Variants in CDH19 observed in about 807,000 individuals in gnomAD.
CDH19 encodes the protein cadherin 19.
A neutral mutation model predicts 64.2 loss-of-function variants in CDH19; 67 were observed. That is an observed-to-expected ratio of 1.04 (90% CI 0.86 to 1.28). CDH19 has a LOEUF of 1.28. CDH19 is among the 50% of genes most tolerant of loss of function. The pLI is 0.00. For missense variants in CDH19, 1,030 were observed against 929.0 expected (o/e 1.11, Z -1.41); for synonymous variants, 346 against 319.3 (o/e 1.08, Z -0.89).
Position 66,603,942 on chromosome 18 carries a change from TCA to T in CDH19, c.-113+10_-113+11del, listed in dbSNP as rs1989098478. 1 of 152,182 alleles carries T rather than the reference TCA, an allele frequency of 6.6e-6. No homozygotes were observed. The highest frequency in any genetic ancestry group is 1.5e-5 in the Non-Finnish European group (1 of 68,034). 9.4% of individuals were successfully genotyped at this position (152,182 alleles called of 1,614,324 possible). A position where few individuals can be genotyped will look rare whatever the true frequency, so the allele number is the denominator to read the frequency against. ...ATGTAGTTTATAATATGCCTGATTA[TCA>T]CAGTCTTACCTTTGTAACTTCAACT... On this transcript the variant is annotated intron_variant, in intron 1 of 11. Transcript: ENST00000262150.
chr18:66,560,411 T>C (rs1277579544), intron 3 of CDH19, among the ~76,000 whole-genome samples: 1 of 152,028 alleles, frequency 6.6e-6, no homozygotes, highest in East Asian at 1.9e-4. Flanking sequence ...ATATAAAATT[T>C]GGCACCTGCT....
Position 66,504,466 on chromosome 18 carries a change from G to A in CDH19, c.*346C>T, listed in dbSNP as rs143484777. On this transcript the variant is annotated 3_prime_UTR_variant, in exon 12 of 12. Coordinates refer to ENST00000262150, the MANE Select transcript of CDH19 (RefSeq NM_021153.4). ...AATTTTTGCTCCTTTAAATTTTCTC[G>A]TTTGGTATTTTTACTCTTTCCTAAG... The A allele has an allele frequency of 9.1e-4, 164 of 179,946 alleles. No homozygotes were observed. The highest frequency in any genetic ancestry group is 3.8e-3 in the African/African-American group (160 of 42,514). 11.1% of individuals were successfully genotyped at this position (179,946 alleles called of 1,614,324 possible).
intron 5 of CDH19, 150 bp from the exon 6 acceptor site, chr18:66,545,053 A>G: frequency 1.8e-6 from 1 of 543,232 alleles, no homozygotes; most frequent in East Asian, 3.2e-5. Context: ...ATCTCGGTTC[A>G]CTGCAATCTC....
rs1177431670 is a variant in CDH19, at chr18:66,544,973, G to T, written c.776-70C>A. On this transcript the variant is annotated intron_variant, in intron 5 of 11. Transcript: ENST00000262150. ...AGACAACTTGCAATTATAGTTTTTTGTTTGTTTGTTTGTTTGTTTTTTCGA... is the reference window on the plus strand; with the variant it reads ...AGACAACTTGCAATTATAGTTTTTTTTTTGTTTGTTTGTTTGTTTTTTCGA... The T allele has an allele frequency of 3.0e-5, 31 of 1,050,660 alleles. 1 individual carries two copies. The South Asian group carries it at 6.0e-4, about 20-fold the overall frequency. 65.1% of individuals were successfully genotyped at this position (1,050,660 alleles called of 1,614,324 possible).
chr18:66,583,042 T>G (rs12955031), intron 1 of CDH19, among the ~76,000 whole-genome samples: 51,683 of 151,916 alleles, frequency 0.34, 9,619 homozygotes, highest in South Asian at 0.48. Flanking sequence ...TGCCCTTATT[T>G]GTCAAGGGTA....
intron 9 of CDH19, among the ~76,000 whole-genome samples, chr18:66,528,797 G>T (rs188335413): frequency 1.1e-4 from 16 of 152,168 alleles, no homozygotes; most frequent in Admixed American, 4.6e-4. Flanking sequence ...TATTGAAAGA[G>T]AAATATAATT....
chr18:66,521,915 T>TTTG (rs1332615034), intron 9 of CDH19, among the ~76,000 whole-genome samples: 1 of 42,396 alleles, frequency 2.4e-5, no homozygotes, highest in South Asian at 1.6e-3. Context: ...AGTTACTTGT[T>TTTG]CTGTTGTTGT....
chr18:66,585,248 T>C (rs1988542860), intron 1 of CDH19, among the ~76,000 whole-genome samples: 2 of 152,056 alleles, frequency 1.3e-5, no homozygotes, highest in South Asian at 4.1e-4. Flanking sequence ...ATAATATAAA[T>C]TGATTTTATA....
intron 7 of CDH19, among the ~76,000 whole-genome samples, chr18:66,536,833 T>C (rs1480780973): frequency 6.6e-6 from 1 of 151,822 alleles, no homozygotes; most frequent in East Asian, 1.9e-4. Flanking sequence ...TTTACATATA[T>C]GTAAAATACA....
At position 66,551,274 on chromosome 18, in the gene CDH19, A is replaced by C. The variant is rs377468945; in HGVS notation, c.611-16T>G. ...CTTATGACTCCTTTAAAAATATAAT[A>C]AAATTCCAATTATTTCATTATTAAT... On this transcript the variant is annotated splice_polypyrimidine_tract_variant and intron_variant, in intron 4 of 11. Coordinates refer to ENST00000262150, the MANE Select transcript of CDH19 (RefSeq NM_021153.4). 8.3e-7 allele frequency: 1 copy of C among 1,209,436 alleles called. No individual in the cohort carries two copies. The highest frequency in any genetic ancestry group is 1.2e-6 in the Non-Finnish European group (1 of 822,202). 74.9% of individuals were successfully genotyped at this position (1,209,436 alleles called of 1,614,324 possible). A position where few individuals can be genotyped will look rare whatever the true frequency, so the allele number is the denominator to read the frequency against.
rs1985027663 is a variant in CDH19 at position 66,503,322 on chromosome 18, A to G, written c.*1490T>C. 1 of 151,824 alleles carries G rather than the reference A, an allele frequency of 6.6e-6. No homozygotes were observed. 9.4% of individuals were successfully genotyped at this position (151,824 alleles called of 1,614,324 possible). ...TCTTAAGGCTACAATAAATGTATCT[A>G]TTGCACCTAATTTTATATTCAATAA... On this transcript the variant is annotated 3_prime_UTR_variant, in exon 12 of 12. Transcript: ENST00000262150.
At chr18:66,553,526 A>G (rs2144520653) in intron 4 of CDH19, among the ~76,000 whole-genome samples, 1 of 134,498 alleles carries the variant, frequency 7.4e-6, no homozygotes, top group East Asian at 1.9e-4. Context: ...ATAAATAAGA[A>G]ATGTTTAAAG....
chr18:66,598,998 T>C (rs1220096673), intron 1 of CDH19, among the ~76,000 whole-genome samples: 2 of 152,146 alleles, frequency 1.3e-5, no homozygotes, highest in Non-Finnish European at 2.9e-5. Flanking sequence ...TAGTTTCAAA[T>C]TGTATAATAT....
In CDH19 at chr18:66,535,031, C is replaced by A. The variant is rs1199915181; in HGVS notation, c.1291G>T (p.Glu431Ter). The A allele has an allele frequency of 6.6e-7, 1 of 1,522,896 alleles. No individual in the cohort carries two copies. The highest frequency in any genetic ancestry group is 1.8e-5 in the Admixed American group (1 of 56,370). The allele number at this position is 1,522,896 out of a possible 1,614,324, so 94.3% of individuals were successfully genotyped here. ...TITTSNSLDR[E>*]ISAWYNLSIT... Reference sequence around the variant, plus strand: ...CTTAGGTTGTACCAAGCACTGATTTCACGATCCAGTGAGTTACTTGTAGTG... The same window carrying A: ...CTTAGGTTGTACCAAGCACTGATTTAACGATCCAGTGAGTTACTTGTAGTG... Residue 431 changes from glutamate to a stop codon, truncating the protein, a stop_gained, in exon 8 of 12, where the codon GAA (glutamate) becomes TAA (stop). Transcript: ENST00000262150. LOFTEE classifies it high-confidence loss of function.
At chr18:66,561,377 A>G (rs1987716382) in intron 3 of CDH19, among the ~76,000 whole-genome samples, 1 of 152,098 alleles carries the variant, frequency 6.6e-6, no homozygotes, top group South Asian at 2.1e-4. Context: ...GTGACAATAT[A>G]AAGTGGCCAC....
chr18:66,554,050 A>G (rs1987428950), intron 4 of CDH19, among the ~76,000 whole-genome samples: 1 of 151,978 alleles, frequency 6.6e-6, no homozygotes, highest in South Asian at 2.1e-4. Context: ...GAGGCTGAGC[A>G]TTTTTAATAT....
intron 11 of CDH19, among the ~76,000 whole-genome samples, chr18:66,508,488 C>T (rs963116114): frequency 2.0e-5 from 3 of 151,520 alleles, no homozygotes; most frequent in Admixed American, 1.3e-4. Context: ...CTTAGCACAT[C>T]ATTTTCTAGC....
At position 66,590,951 on chromosome 18, in the gene CDH19, A is replaced by G. The variant is rs369929250; in HGVS notation, c.-113+13003T>C. Among the ~76,000 whole-genome samples, 389 of 151,930 alleles carry G rather than the reference A, an allele frequency of 2.6e-3. 3 individuals are homozygous for G. Among genetic ancestry groups the G allele is most frequent in the African/African-American group, 8.4e-3 (349 of 41,498 alleles). On this transcript the variant is annotated intron_variant, in intron 1 of 11. Coordinates refer to ENST00000262150, the MANE Select transcript of CDH19 (RefSeq NM_021153.4). ...TCTATCATTTTCCCTTTCTTCCTCA[A>G]GAGGATAATCAGCAGTGATTTTTTT... is the stretch of plus-strand genomic sequence containing the variant.
chr18:66,601,280 C>G (rs948510891), intron 1 of CDH19, among the ~76,000 whole-genome samples: 1 of 151,830 alleles, frequency 6.6e-6, no homozygotes, highest in Non-Finnish European at 1.5e-5. Context: ...ATAGCGACTT[C>G]TTTTCTGTGA....
Sources: allele counts gnomAD v4.1 joint callset (sites outside exome capture counted in the v4.1 genomes callset), GRCh38; gene constraint gnomAD v4.1.1; transcripts MANE v1.5; gene names NCBI Gene and HGNC (gene_info 2026-07-23, HGNC 2026-07-21).